PCDH19: variants seen among roughly 807,000 people sequenced by gnomAD.
PCDH19 encodes the protein protocadherin 19, also known as protocadherin-19.
In PCDH19, 6 loss-of-function variants were observed where a neutral mutation model predicts 46.2. That is an observed-to-expected ratio of 0.13 (90% confidence interval 0.07 to 0.26). The LOEUF is 0.26. Among genes scored for constraint, PCDH19 ranks in the 10% least tolerant of loss-of-function variants. The pLI, the probability that PCDH19 is intolerant of heterozygous loss-of-function variation, is 1.00. For missense variants in PCDH19, 740 were observed against 972.3 expected, an observed-to-expected ratio of 0.76 and a Z score of 3.18; for synonymous variants, 481 against 415.7, an observed-to-expected ratio of 1.16 and a Z score of -1.91.
chrX:100,373,216 C>T (rs765969479), intron 3 of PCDH19, among the ~76,000 whole-genome samples: 18 of 112,725 alleles, frequency 1.6e-4, no homozygotes, highest in African/African-American at 5.5e-4. Flanking sequence ...ACCATGTTGG[C>T]CAGGATGGTC....
intron 3 of PCDH19, among the ~76,000 whole-genome samples, chrX:100,385,893 C>CA (rs1009261169): frequency 3.7e-4 from 38 of 103,753 alleles, no homozygotes; most frequent in Non-Finnish European, 6.3e-4. Flanking sequence ...GACTCCATCT[C>CA]AAAAAAAAAG....
chrX:100,350,677 A>T lies in PCDH19; in HGVS notation c.2644T>A (p.Tyr882Asn). ...ATTAAATGGGCTCGGCTATTCACGT[A>T]GTTGGAGTCAAAAGAATAGTTTTCA... The part of the protein sequence containing the change: ...ETENYSFDSN[Y>N]VNSRAHLIKS... Residue 882 changes from tyrosine (Y) to asparagine (N), a missense_variant, in exon 4 of 6, where the codon TAC becomes AAC. By Grantham distance (143) the Tyr-to-Asn change is moderately radical (BLOSUM62 -2). This residue lies in a region of PCDH19 where 416 missense variants were observed against 476.8 expected (regional missense o/e 0.87). Transcript: ENST00000373034. 2 of 1,188,991 alleles carry T rather than the reference A, an allele frequency of 1.7e-6. No homozygotes were observed. Among genetic ancestry groups the T allele is most frequent in the East Asian group, 3.0e-5 (1 of 33,780 alleles).
intron 3 of PCDH19, among the ~76,000 whole-genome samples, chrX:100,364,404 T>C (rs955768557): frequency 4.5e-5 from 5 of 111,669 alleles, no homozygotes; most frequent in African/African-American, 1.6e-4. Flanking sequence ...TTTTCAATCA[T>C]AGTAGCCACA....
chrX:100,402,660 C>A lies in PCDH19; in HGVS notation c.2480G>T (p.Arg827Leu), dbSNP rs371323886. 1.7e-6 allele frequency: 2 copies of A among 1,211,273 alleles called. No homozygotes were observed. Among genetic ancestry groups the A allele is most frequent in the Non-Finnish European group, 2.2e-6 (2 of 895,198 alleles). The change falls in exon 3 of 6, where the codon CGC becomes CTC. Residue 827 changes from arginine (R) to leucine (L), a missense_variant. Arg to Leu is a moderately radical substitution (Grantham distance 102). This residue lies in a region of PCDH19 where 416 missense variants were observed against 476.8 expected (regional missense o/e 0.87). Coordinates refer to ENST00000373034, the MANE Select transcript of PCDH19 (RefSeq NM_001184880.2). The part of the protein sequence containing the change: ...HQQTLPLGCR[R>L]SESTFLNVEN... ...CACATTCAGGAAAGTGCTCTCAGAG[C>A]GGCGGCAGCCCAGGGGCAGCGTCTG... is the stretch of plus-strand genomic sequence containing the variant.
intron 3 of PCDH19, among the ~76,000 whole-genome samples, chrX:100,390,485 C>T (rs1344108816): frequency 1.8e-5 from 2 of 111,482 alleles, no homozygotes; most frequent in African/African-American, 6.5e-5. Context: ...GGAGCTCCTA[C>T]AAATTATTGT....
rs1928395609 is a variant in PCDH19 at position 100,407,262 on chromosome X, C to A, written c.1336G>T (p.Glu446Ter). ...GAAAAGTGCGGGTGGTTGTCATTTTCGTCAGTGATGAGCACGGTAAAGGAC... is the reference window on the plus strand; with the variant it reads ...GAAAAGTGCGGGTGGTTGTCATTTTAGTCAGTGATGAGCACGGTAAAGGAC... ...AKSFTVLITD[E>*]NDNHPHFSKP... The change falls in exon 1 of 6, where the codon GAA (glutamate) becomes TAA (stop). Residue 446 changes from glutamate (E) to a stop codon, truncating the protein, a stop_gained. Coordinates refer to ENST00000373034, the MANE Select transcript of PCDH19 (RefSeq NM_001184880.2). LOFTEE classifies it high-confidence loss of function. The A allele has an allele frequency of 8.3e-7, 1 of 1,212,005 alleles. No individual in the cohort carries two copies. Among genetic ancestry groups the A allele is most frequent in the Non-Finnish European group, 1.1e-6 (1 of 895,582 alleles).
intron 4 of PCDH19, among the ~76,000 whole-genome samples, chrX:100,345,053 ATCTGATG>A (rs1926357657): frequency 9.0e-6 from 1 of 110,547 alleles, no homozygotes; most frequent in Non-Finnish European, 1.9e-5. Flanking sequence ...TGGACCTGAT[ATCTGATG>A]TCTTTGAATC....
At chrX:100,369,647 A>T (rs757446076) in intron 3 of PCDH19, among the ~76,000 whole-genome samples, 1 of 112,372 alleles carries the variant, frequency 8.9e-6, no homozygotes, top group Admixed American at 9.4e-5. Context: ...CTGCAGATCA[A>T]TGTTAAGGTT....
intron 5 of PCDH19, among the ~76,000 whole-genome samples, chrX:100,319,411 G>C (rs908182259): frequency 8.9e-6 from 1 of 111,733 alleles, no homozygotes; most frequent in Non-Finnish European, 1.9e-5. Context: ...ATAGGCAAAA[G>C]GGCTTTTCAG....
At position 100,294,736 on chromosome X, in the gene PCDH19, A is replaced by C. The variant is rs1924537762; in HGVS notation, c.*1541T>G. 8.9e-6 allele frequency: 1 copy of C among 111,842 alleles called. No individual in the cohort carries two copies. The allele number at this position is 111,842 out of a possible 1,213,427, so 9.2% of individuals were successfully genotyped here. On this transcript the variant is annotated 3_prime_UTR_variant, in exon 6 of 6. Coordinates refer to ENST00000373034, the MANE Select transcript of PCDH19 (RefSeq NM_001184880.2). The stretch of plus-strand genomic sequence containing the variant: ...CAAAGGTGACATATTTCTTTAGTTT[A>C]TTTTTAAATAATGAACTCTTAGGCT...
intron 5 of PCDH19, among the ~76,000 whole-genome samples, chrX:100,320,811 T>C (rs1231121220): frequency 9.2e-6 from 1 of 108,307 alleles, no homozygotes; most frequent in African/African-American, 3.4e-5. Context: ...CCATAAGTGA[T>C]TGGGGTACAG....
In PCDH19 at chrX:100,294,382, T is replaced by G. The variant is rs1313408932; in HGVS notation, c.*1895A>C. ...AATAAGGATGGATTTGTAGCTTCAT[T>G]ATAAGTTCTTTTTCAGAAATGTTCT... On this transcript the variant is annotated 3_prime_UTR_variant, in exon 6 of 6. Transcript: ENST00000373034. 1 of 111,374 alleles carries G rather than the reference T, an allele frequency of 9.0e-6. No homozygotes were observed. Among genetic ancestry groups the G allele is most frequent in the East Asian group, 2.8e-4 (1 of 3,509 alleles). 9.2% of individuals were successfully genotyped at this position (111,374 alleles called of 1,213,427 possible). A position where few individuals can be genotyped will look rare whatever the true frequency, so the allele number is the denominator to read the frequency against.
chrX:100,397,957 C>T (rs1167833460), intron 3 of PCDH19, among the ~76,000 whole-genome samples: 6 of 108,267 alleles, frequency 5.5e-5, no homozygotes, highest in Non-Finnish European at 1.1e-4. Context: ...TCTTTTTCAA[C>T]CTCCTTTCCT....
chrX:100,344,009 T>C (rs1043360320), intron 4 of PCDH19, among the ~76,000 whole-genome samples: 1 of 111,668 alleles, frequency 9.0e-6, no homozygotes, highest in Non-Finnish European at 1.9e-5. Context: ...TTTTAACATA[T>C]GACCAACCTA....
At chrX:100,311,041 T>C in intron 5 of PCDH19, among the ~76,000 whole-genome samples, 1 of 107,905 alleles carries the variant, frequency 9.3e-6, no homozygotes, top group Non-Finnish European at 1.9e-5. Context: ...AGGCAGAATC[T>C]CACTATGTTG....
chrX:100,364,307 G>T (rs1042364483), intron 3 of PCDH19, among the ~76,000 whole-genome samples: 6 of 111,626 alleles, frequency 5.4e-5, no homozygotes, highest in Non-Finnish European at 1.1e-4. Flanking sequence ...ATTCCTCAGG[G>T]GGGTGCTGTC....
chrX:100,395,037 G>A (rs969166578), intron 3 of PCDH19, among the ~76,000 whole-genome samples: 31 of 109,341 alleles, frequency 2.8e-4, no homozygotes, highest in African/African-American at 8.3e-4. Context: ...ACAGGCGCCC[G>A]CCACCACGCC....
In PCDH19 at chrX:100,409,749, G is replaced by A; in HGVS notation, c.-1152C>T. ...GCCGCCGCCGCCGCCGCGGGAGGAAGCCCTCCTAGCTCAGTTGCACGTCGC... is the reference window on the plus strand; with the variant it reads ...GCCGCCGCCGCCGCCGCGGGAGGAAACCCTCCTAGCTCAGTTGCACGTCGC... On this transcript the variant is annotated 5_prime_UTR_variant, in exon 1 of 6. Transcript: ENST00000373034. The A allele has an allele frequency of 4.2e-6, 1 of 239,871 alleles. No individual in the cohort carries two copies. Among genetic ancestry groups the A allele is most frequent in the Non-Finnish European group, 7.6e-6 (1 of 131,705 alleles). The allele number at this position is 239,871 out of a possible 1,213,427, so 19.8% of individuals were successfully genotyped here. A position where few individuals can be genotyped will look rare whatever the true frequency, so the allele number is the denominator to read the frequency against.
chrX:100,333,164 A>AGGAT (rs1407523346), intron 5 of PCDH19, among the ~76,000 whole-genome samples: 1 of 47,543 alleles, frequency 2.1e-5, no homozygotes, highest in Admixed American at 2.3e-4. Flanking sequence ...GAAGGAAGGA[A>AGGAT]GGAAGGAAGG....
Sources: allele counts gnomAD v4.1 joint callset (sites outside exome capture counted in the v4.1 genomes callset), GRCh38; gene constraint gnomAD v4.1.1; regional missense constraint gnomAD v4.1.1; transcripts MANE v1.5; gene names NCBI Gene and HGNC (gene_info 2026-07-23, HGNC 2026-07-21).